Variants in DOK6 observed in about 807,000 individuals in gnomAD.
DOK6 encodes docking protein 6, also known as downstream of tyrosine kinase 6.
A neutral mutation model predicts 44.0 loss-of-function variants in DOK6; 22 were observed. That is an observed-to-expected ratio of 0.50 (90% CI 0.36 to 0.71). DOK6 has a LOEUF of 0.71. Among genes scored for constraint, DOK6 ranks in the 30% least tolerant of loss-of-function variants. The probability of loss-of-function intolerance (pLI) is 0.00; values close to 1 mark genes in which losing one functional copy is unlikely to be tolerated. For missense variants in DOK6, 340 were observed against 416.4 expected (o/e 0.82, Z 1.60); for synonymous variants, 166 against 145.5 (o/e 1.14, Z -1.01).
intron 1 of DOK6, among the ~76,000 whole-genome samples, chr18:69,533,947 A>C (rs926717655): frequency 2.0e-5 from 3 of 152,196 alleles, no homozygotes; most frequent in African/African-American, 7.2e-5. Context: ...AAATAAAGAC[A>C]GATAAAATGT....
chr18:69,690,426 A>G (rs933518437), intron 4 of DOK6, among the ~76,000 whole-genome samples: 1 of 152,206 alleles, frequency 6.6e-6, no homozygotes, highest in African/African-American at 2.4e-5. Context: ...GTTTAATTGT[A>G]TTATACAGAT....
intron 3 of DOK6, among the ~76,000 whole-genome samples, chr18:69,638,901 AAAAGT>A (rs1984874982): frequency 6.6e-6 from 1 of 152,256 alleles, no homozygotes; most frequent in Non-Finnish European, 1.5e-5. Context: ...TAAAGGAATT[AAAAGT>A]AATCAATATT....
At chr18:69,425,527 T>C (rs1165613970) in intron 1 of DOK6, among the ~76,000 whole-genome samples, 1 of 152,048 alleles carries the variant, frequency 6.6e-6, no homozygotes, top group Non-Finnish European at 1.5e-5. Flanking sequence ...ATGTCCTTTT[T>C]AAGATCTCAC....
chr18:69,658,167 G>GT (rs1331055415), intron 3 of DOK6, among the ~76,000 whole-genome samples: 1 of 151,858 alleles, frequency 6.6e-6, no homozygotes, highest in Non-Finnish European at 1.5e-5. Flanking sequence ...GACCAGGCTG[G>GT]TTTTACACTC....
intron 3 of DOK6, among the ~76,000 whole-genome samples, chr18:69,664,238 A>G (rs1013315535): frequency 2.0e-5 from 3 of 152,218 alleles, no homozygotes; most frequent in Non-Finnish European, 2.9e-5. Context: ...TTACTCAGAA[A>G]TCATTTTTCA....
chr18:69,635,639 T>C (rs1433563210), intron 3 of DOK6, among the ~76,000 whole-genome samples: 8 of 152,170 alleles, frequency 5.3e-5, no homozygotes, highest in Non-Finnish European at 1.2e-4. Flanking sequence ...GTGATAACTC[T>C]AGGCATGTGG....
At chr18:69,839,828 C>A (rs958376747) in intron 7 of DOK6, among the ~76,000 whole-genome samples, 2 of 152,168 alleles carry the variant, frequency 1.3e-5, no homozygotes, top group Non-Finnish European at 2.9e-5. Context: ...GCAGGAGGTG[C>A]GAGGGAAAAG....
At chr18:69,840,429 C>T (rs187846461) in intron 7 of DOK6, among the ~76,000 whole-genome samples, 3 of 152,298 alleles carry the variant, frequency 2.0e-5, no homozygotes, top group African/African-American at 7.2e-5. Flanking sequence ...GATGAGGAAA[C>T]GACTGGAAAG....
At chr18:69,405,759 C>T (rs1568246973) in intron 1 of DOK6, among the ~76,000 whole-genome samples, 1 of 152,028 alleles carries the variant, frequency 6.6e-6, no homozygotes, top group Non-Finnish European at 1.5e-5. Context: ...TTACCAATTT[C>T]CCAAGAATTA....
At chr18:69,736,118 A>C (rs917980239) in intron 5 of DOK6, among the ~76,000 whole-genome samples, 1 of 152,134 alleles carries the variant, frequency 6.6e-6, no homozygotes, top group Non-Finnish European at 1.5e-5. Flanking sequence ...CTGACTACTC[A>C]AAAGCCTCAG....
chr18:69,606,777 T>TTTTTG (rs35031229), intron 3 of DOK6, among the ~76,000 whole-genome samples: 1 of 103,788 alleles, frequency 9.6e-6, no homozygotes, highest in Non-Finnish European at 2.1e-5. Context: ...TTTTTTTTTT[T>TTTTTG]GGAGACAGAG....
At chr18:69,708,797 A>C (rs1296098308) in intron 5 of DOK6, among the ~76,000 whole-genome samples, 2 of 151,948 alleles carry the variant, frequency 1.3e-5, no homozygotes, top group African/African-American at 4.8e-5. Context: ...AAAAAAAAAA[A>C]AAAAAAAAGT....
At chr18:69,443,976 TAC>T (rs1464521324) in intron 1 of DOK6, among the ~76,000 whole-genome samples, 2 of 151,906 alleles carry the variant, frequency 1.3e-5, no homozygotes, top group African/African-American at 2.4e-5. Context: ...TATATATATA[TAC>T]ACACACAATA....
chr18:69,841,418 C>T lies in DOK6; in HGVS notation c.*35C>T. 2 of 1,613,416 alleles carry T rather than the reference C, an allele frequency of 1.2e-6. No individual in the cohort carries two copies. The highest frequency in any genetic ancestry group is 8.5e-7 in the Non-Finnish European group (1 of 1,179,586). On this transcript the variant is annotated 3_prime_UTR_variant, in exon 8 of 8. Coordinates refer to ENST00000382713, the MANE Select transcript of DOK6 (RefSeq NM_152721.6). Reference sequence around the variant, plus strand: ...AGCCGCTGTTGACTAGAGAGACAGTCTGTCCTGGACCCGTCTGTGGGGTCA... The same window carrying T: ...AGCCGCTGTTGACTAGAGAGACAGTTTGTCCTGGACCCGTCTGTGGGGTCA...
Position 69,635,719 on chromosome 18 carries a change from T to G in DOK6, c.289+36221T>G, listed in dbSNP as rs183452294. On this transcript the variant is annotated intron_variant, in intron 3 of 7. Coordinates refer to ENST00000382713, the MANE Select transcript of DOK6 (RefSeq NM_152721.6). The stretch of plus-strand genomic sequence containing the variant: ...GTGGTGCAGGTGGAAGAAGATGTGT[T>G]GGGATCCTCAGTAGCCGCATACCTA... 2.1e-3 allele frequency among the ~76,000 whole-genome samples: 321 copies of G among 152,190 alleles called. 3 individuals carry two copies. Among genetic ancestry groups the G allele is most frequent in the African/African-American group, 7.4e-3 (306 of 41,536 alleles).
chr18:69,617,709 A>AAG, intron 3 of DOK6, among the ~76,000 whole-genome samples: 3 of 94,328 alleles, frequency 3.2e-5, no homozygotes, highest in Non-Finnish European at 7.7e-5. Context: ...GGAAAGAGAA[A>AAG]AGAAAGAAAG....
chr18:69,721,059 C>T (rs1029738621), intron 5 of DOK6, among the ~76,000 whole-genome samples: 1 of 152,100 alleles, frequency 6.6e-6, no homozygotes. Flanking sequence ...ATAAAAATTC[C>T]AAGTCTTGCC....
intron 3 of DOK6, chr18:69,659,915 TATATAA>T (rs1985475218): frequency 7.8e-6 from 1 of 128,950 alleles, no homozygotes; most frequent in East Asian, 4.4e-4. Context: ...ATGTTTTATA[TATATAA>T]CATATATGTA....
Position 69,467,544 on chromosome 18 carries a change from A to G in DOK6, c.66+66234A>G, listed in dbSNP as rs770865011. Among the ~76,000 whole-genome samples, 65 of 152,316 alleles carry G rather than the reference A, an allele frequency of 4.3e-4. 1 individual carries two copies. Among genetic ancestry groups the G allele is most frequent in the Non-Finnish European group, 7.5e-4 (51 of 67,996 alleles). On this transcript the variant is annotated intron_variant, in intron 1 of 7. Coordinates refer to ENST00000382713, the MANE Select transcript of DOK6 (RefSeq NM_152721.6). ...TCATTTCATAGTTATCCAAGGAAAT[A>G]CAACTTGCTTTCCTCATCTATATTT... is the stretch of plus-strand genomic sequence containing the variant.
Sources: allele counts gnomAD v4.1 joint callset (sites outside exome capture counted in the v4.1 genomes callset), GRCh38; gene constraint gnomAD v4.1.1; transcripts MANE v1.5; gene names NCBI Gene and HGNC (gene_info 2026-07-23, HGNC 2026-07-21).